Variants in PRKCB observed in about 807,000 individuals in gnomAD.
PRKCB encodes the protein protein kinase C beta.
A neutral mutation model predicts 81.5 loss-of-function variants in PRKCB; 13 were observed. The ratio of observed to expected loss-of-function variants is 0.16; its 90% confidence interval spans 0.10 to 0.25. The LOEUF is 0.25. Among genes scored for constraint, PRKCB ranks in the 10% least tolerant of loss-of-function variants. The pLI, the probability that PRKCB is intolerant of heterozygous loss-of-function variation, is 1.00. For missense variants in PRKCB, 509 were observed against 875.7 expected (o/e 0.58, Z 5.29); for synonymous variants, 335 against 321.4 (o/e 1.04, Z -0.45).
At chr16:24,214,229 A>T (rs1342298794) in intron 16 of PRKCB, among the ~76,000 whole-genome samples, 1 of 152,170 alleles carries the variant, frequency 6.6e-6, no homozygotes, top group Non-Finnish European at 1.5e-5. Context: ...CTCCCAGGTG[A>T]TGTATAAATG....
At chr16:23,939,105 C>A (rs903901317) in intron 2 of PRKCB, among the ~76,000 whole-genome samples, 1 of 151,984 alleles carries the variant, frequency 6.6e-6, no homozygotes, top group African/African-American at 2.4e-5. Flanking sequence ...TACGGGAAGA[C>A]TGAAATTGAA....
chr16:24,136,096 G>GTT (rs1555498950), intron 9 of PRKCB, among the ~76,000 whole-genome samples: 16 of 118,076 alleles, frequency 1.4e-4, no homozygotes, highest in Middle Eastern at 3.8e-3. Context: ...ATTGCAGCGT[G>GTT]TTTTTTTTTT....
In PRKCB at chr16:24,021,298, CCTTCCTTCCTTCCTTCCTT is replaced by C. The variant is rs1965392215; in HGVS notation, c.289-10836_289-10818del. On this transcript the variant is annotated intron_variant, in intron 3 of 16. Transcript: ENST00000643927. ...TTTCTTTTCTCCCTCTCCCTCCCTTCCTTCCTTCCTTCCTTCCTTCCTTCCTTCCTTCCTTCCTTCCTTC... is the reference window on the plus strand; with the variant it reads ...TTTCTTTTCTCCCTCTCCCTCCCTTCCCTTCCTTCCTTCCTTCCTTCCTTC... Among the ~76,000 whole-genome samples the C allele has an allele frequency of 2.9e-3, 37 of 12,920 alleles. 3 individuals carry two copies. The highest frequency in any genetic ancestry group is 9.2e-3 in the African/African-American group (21 of 2,274). 8.5% of individuals were successfully genotyped at this position (12,920 alleles called of 152,430 possible). A position where few individuals can be genotyped will look rare whatever the true frequency, so the allele number is the denominator to read the frequency against.
intron 16 of PRKCB, among the ~76,000 whole-genome samples, chr16:24,199,293 C>A (rs947074969): frequency 6.6e-6 from 1 of 152,318 alleles, no homozygotes; most frequent in African/African-American, 2.4e-5. Flanking sequence ...GTTTATGTAG[C>A]TGAGGTCAAA....
intron 3 of PRKCB, among the ~76,000 whole-genome samples, chr16:24,028,992 T>TGTTGGCCAG (rs139266250): frequency 0.052 from 7,984 of 152,160 alleles, 267 homozygotes; most frequent in African/African-American, 0.077. Flanking sequence ...GGTTCCTCCA[T>TGTTGGCCAG]GTTGGCCAGG....
intron 9 of PRKCB, among the ~76,000 whole-genome samples, chr16:24,147,965 G>C (rs1007741460): frequency 1.3e-5 from 2 of 152,058 alleles, no homozygotes; most frequent in Non-Finnish European, 1.5e-5. Flanking sequence ...AGGCCTTTGA[G>C]TATCACAAAT....
chr16:24,161,093 A>G (rs775860774), intron 10 of PRKCB, among the ~76,000 whole-genome samples: 5 of 152,246 alleles, frequency 3.3e-5, no homozygotes, highest in African/African-American at 1.2e-4. Context: ...TTTTAAAGAT[A>G]AAAGATTCTT....
intron 16 of PRKCB, among the ~76,000 whole-genome samples, chr16:24,213,367 C>G (rs1265716913): frequency 1.3e-5 from 2 of 152,106 alleles, no homozygotes; most frequent in African/African-American, 4.8e-5. Flanking sequence ...GGAACTTGGG[C>G]TCTGATGTCA....
intron 2 of PRKCB, among the ~76,000 whole-genome samples, chr16:23,848,478 T>C (rs1439199020): frequency 6.6e-6 from 1 of 152,336 alleles, no homozygotes; most frequent in Admixed American, 6.5e-5. Context: ...TTGATTGTTC[T>C]ATTTTGAGGG....
chr16:24,072,883 A>ACT (rs947428942), intron 5 of PRKCB, among the ~76,000 whole-genome samples: 1 of 151,444 alleles, frequency 6.6e-6, no homozygotes. Context: ...ACCTGGCCTA[A>ACT]CTCTCTCTCT....
In PRKCB at chr16:24,083,865, T is replaced by C. The variant is rs532567696; in HGVS notation, c.530-8926T>C. ...GTAATTAAACACATAAAATAAATGT[T>C]ATAGGCAGAAAATAAGCTGATAAAA... On this transcript the variant is annotated intron_variant, in intron 5 of 16. Transcript: ENST00000643927. Among the ~76,000 whole-genome samples the C allele has an allele frequency of 2.4e-3, 366 of 152,062 alleles. 2 individuals carry two copies. The highest frequency in any genetic ancestry group is 4.4e-3 in the Non-Finnish European group (296 of 67,982).
At position 24,180,949 on chromosome 16, in the gene PRKCB, G is replaced by A. The variant is rs199577595; in HGVS notation, c.1533+21G>A. Reference sequence around the variant, plus strand: ...CCGAGGTGAGAGCTGCTGGGCACACGTTCACATTGCGGTGATGTACCCTCT... The same window carrying A: ...CCGAGGTGAGAGCTGCTGGGCACACATTCACATTGCGGTGATGTACCCTCT... On this transcript the variant is annotated intron_variant, in intron 13 of 16. Coordinates refer to ENST00000643927, the MANE Select transcript of PRKCB (RefSeq NM_002738.7). 1,017 of 1,612,092 alleles carry A rather than the reference G, an allele frequency of 6.3e-4. 1 individual carries two copies. The highest frequency in any genetic ancestry group is 8.2e-4 in the Non-Finnish European group (972 of 1,178,862).
chr16:23,930,356 C>A (rs906008043), intron 2 of PRKCB, among the ~76,000 whole-genome samples: 1 of 151,952 alleles, frequency 6.6e-6, no homozygotes, highest in Admixed American at 6.5e-5. Flanking sequence ...ATCACTTGAG[C>A]CCAGGAGTTC....
chr16:23,905,943 T>C (rs1963553354), intron 2 of PRKCB, among the ~76,000 whole-genome samples: 1 of 152,244 alleles, frequency 6.6e-6, no homozygotes, highest in East Asian at 1.9e-4. Flanking sequence ...ATGCATAATG[T>C]ATTTAACCAG....
intron 5 of PRKCB, among the ~76,000 whole-genome samples, chr16:24,052,766 G>A (rs1965858459): frequency 6.6e-6 from 1 of 152,216 alleles, no homozygotes; most frequent in Admixed American, 6.5e-5. Context: ...GGTTTTGGAG[G>A]ATTTTGACCT....
intron 5 of PRKCB, among the ~76,000 whole-genome samples, chr16:24,055,057 G>A (rs113426570): frequency 0.022 from 3,293 of 152,292 alleles, 48 homozygotes; most frequent in Non-Finnish European, 0.031. Flanking sequence ...GTGTAAGCTG[G>A]GGGTCCCGTT....
At chr16:23,911,825 C>CTTTTTTTTTTTT (rs1567311221) in intron 2 of PRKCB, among the ~76,000 whole-genome samples, 2 of 126,372 alleles carry the variant, frequency 1.6e-5, no homozygotes, top group Admixed American at 8.6e-5. Flanking sequence ...GCGCGACCCA[C>CTTTTTTTTTTTT]ATTTTTTTTT....
chr16:23,977,524 GC>G (rs1964641334), intron 2 of PRKCB, among the ~76,000 whole-genome samples: 2 of 152,118 alleles, frequency 1.3e-5, no homozygotes, highest in South Asian at 4.2e-4. Flanking sequence ...GGGCAAAACA[GC>G]AGGGATCTAG....
intron 11 of PRKCB, 61 bp from the exon 12 acceptor site, chr16:24,174,457 A>G (rs1464726595): frequency 5.5e-6 from 8 of 1,454,196 alleles, no homozygotes; most frequent in Non-Finnish European, 7.6e-6. Flanking sequence ...AATTCTGAGC[A>G]TTGCCAAGCA....
Sources: gnomAD v4.1 joint callset for allele counts (sites outside exome capture counted in the v4.1 genomes callset) on GRCh38, gnomAD v4.1.1 for gene constraint, MANE v1.5 for transcripts, NCBI Gene and HGNC (gene_info 2026-07-23, HGNC 2026-07-21) for gene names.